Variants in ELMO1 observed in about 807,000 individuals in gnomAD.
The protein encoded by ELMO1 is engulfment and cell motility protein 1.
In ELMO1, 26 loss-of-function variants were observed where a neutral mutation model predicts 98.9. The observed-to-expected ratio is 0.26, with a 90% CI of 0.19 to 0.36. The LOEUF (loss-of-function observed/expected upper bound fraction) is 0.36. Among genes scored for constraint, ELMO1 ranks in the 10% least tolerant of loss-of-function variants. The pLI is 1.00. For synonymous variants in ELMO1, 346 were observed against 346.0 expected, an observed-to-expected ratio of 1.00 and a Z score of 0.00; for missense variants, 627 against 935.2, an observed-to-expected ratio of 0.67 and a Z score of 4.30.
At chr7:36,986,771 C>A (rs1450896549) in intron 16 of ELMO1, among the ~76,000 whole-genome samples, 1 of 152,144 alleles carries the variant, frequency 6.6e-6, no homozygotes, top group Non-Finnish European at 1.5e-5. Flanking sequence ...CATGTACACA[C>A]AAGGCATGCA....
At chr7:37,293,452 A>G (rs143539771) in intron 4 of ELMO1, among the ~76,000 whole-genome samples, 13 of 89,252 alleles carry the variant, frequency 1.5e-4, no homozygotes, top group Non-Finnish European at 2.4e-4. Context: ...CATGTGCTGT[A>G]TCCACTCAGG....
chr7:36,985,931 C>T, intron 16 of ELMO1: 4 of 1,002,964 alleles, frequency 4.0e-6, no homozygotes, highest in Non-Finnish European at 4.8e-6. Flanking sequence ...ACCAAGCTCC[C>T]GTAAGTCCAT....
chr7:37,045,241 CTACTAT>C (rs1584559266), intron 15 of ELMO1, among the ~76,000 whole-genome samples: 1 of 152,168 alleles, frequency 6.6e-6, no homozygotes. Context: ...TGGACTTCAG[CTACTAT>C]TACTATTACT....
intron 14 of ELMO1, among the ~76,000 whole-genome samples, chr7:37,127,055 A>C (rs978361351): frequency 7.2e-5 from 11 of 152,200 alleles, no homozygotes; most frequent in Non-Finnish European, 4.4e-5. Context: ...CTTCTGTCTC[A>C]CTGTAATGCC....
chr7:37,283,505 A>T (rs942924363), intron 4 of ELMO1, among the ~76,000 whole-genome samples: 3 of 152,228 alleles, frequency 2.0e-5, no homozygotes, highest in Admixed American at 2.0e-4. Context: ...ACTGACTCTA[A>T]TCTGTTAAAC....
At chr7:37,384,188 T>C (rs1042840189) in intron 1 of ELMO1, among the ~76,000 whole-genome samples, 1 of 152,192 alleles carries the variant, frequency 6.6e-6, no homozygotes, top group African/African-American at 2.4e-5. Flanking sequence ...GTCTATTGAA[T>C]TCTATTTTAG....
intron 14 of ELMO1, among the ~76,000 whole-genome samples, chr7:37,109,491 G>A (rs570068383): frequency 5.9e-5 from 9 of 152,128 alleles, no homozygotes; most frequent in African/African-American, 2.2e-4. Context: ...CACACCCCAC[G>A]CGCTGCCTCC....
chr7:37,369,105 G>A (rs1802013401), intron 1 of ELMO1, among the ~76,000 whole-genome samples: 1 of 152,114 alleles, frequency 6.6e-6, no homozygotes, highest in South Asian at 2.1e-4. Flanking sequence ...GATTAAGAGA[G>A]CCCAATATTA....
At chr7:36,972,908 G>A (rs1340100428) in intron 16 of ELMO1, among the ~76,000 whole-genome samples, 3 of 152,078 alleles carry the variant, frequency 2.0e-5, no homozygotes, top group African/African-American at 4.8e-5. Flanking sequence ...AGCCTCCTGA[G>A]CAGCTGGGAT....
intron 16 of ELMO1, among the ~76,000 whole-genome samples, chr7:36,930,018 T>G (rs540990530): frequency 6.6e-6 from 1 of 152,336 alleles, no homozygotes; most frequent in Non-Finnish European, 1.5e-5. Flanking sequence ...TGTTGGTCAT[T>G]AGGTAGCACC....
At chr7:37,209,822 C>T (rs950762795) in intron 13 of ELMO1, among the ~76,000 whole-genome samples, 7 of 152,162 alleles carry the variant, frequency 4.6e-5, no homozygotes, top group African/African-American at 1.4e-4. Flanking sequence ...TCACCCGCTC[C>T]ACCAGTCATG....
chr7:36,855,654 AT>A lies in ELMO1; in HGVS notation c.2080del (p.Ile694SerfsTer51). 6.2e-7 allele frequency: 1 copy of A among 1,614,062 alleles called. No homozygotes were observed. The highest frequency in any genetic ancestry group is 8.5e-7 in the Non-Finnish European group (1 of 1,179,990). On this transcript the variant is annotated frameshift_variant, in exon 22 of 22. Coordinates refer to ENST00000310758, the MANE Select transcript of ELMO1 (RefSeq NM_014800.11). LOFTEE classifies it high-confidence loss of function. The surrounding 1 kb of genome is among the most constrained non-coding windows in gnomAD (Gnocchi z 4.2). ...TTCCAGGTCCAGGAGGCGGAGCTTG[AT>A]TTCCATGCTGAGCAGGGTGTCCAGG... ...NDLDTLLSMEIKLRLLDLENI... is the reference protein window; with the variant it reads ...NDLDTLLSMEXKLRLLDLENI...
At chr7:37,120,506 G>A (rs534207668) in intron 14 of ELMO1, among the ~76,000 whole-genome samples, 28 of 152,286 alleles carry the variant, frequency 1.8e-4, no homozygotes, top group Admixed American at 1.0e-3. Context: ...AGGGTCCCAC[G>A]CCCACAGAGC....
chr7:36,933,829 A>C (rs1396722660), intron 16 of ELMO1, among the ~76,000 whole-genome samples: 1 of 152,178 alleles, frequency 6.6e-6, no homozygotes, highest in African/African-American at 2.4e-5. Context: ...TGTGATCTTC[A>C]ATGTTCAAAA....
At chr7:37,382,411 T>C (rs1420506544) in intron 1 of ELMO1, among the ~76,000 whole-genome samples, 1 of 152,202 alleles carries the variant, frequency 6.6e-6, no homozygotes, top group East Asian at 1.9e-4. Context: ...GGGTTCAGAG[T>C]ATGCCATTCA....
At chr7:37,327,818 GC>G (rs1256611689) in intron 2 of ELMO1, among the ~76,000 whole-genome samples, 42 of 152,252 alleles carry the variant, frequency 2.8e-4, no homozygotes, top group East Asian at 2.3e-3. Context: ...AGAACCTACA[GC>G]CCTGAAGAAT....
intron 1 of ELMO1, among the ~76,000 whole-genome samples, chr7:37,426,142 CTT>C (rs36086006): frequency 0.013 from 1,090 of 84,462 alleles, 12 homozygotes; most frequent in African/African-American, 0.051. Flanking sequence ...TTTTTTCTTT[CTT>C]TTTTTTTTTT....
chr7:37,170,192 A>G (rs1304478405), intron 13 of ELMO1, among the ~76,000 whole-genome samples: 2 of 152,174 alleles, frequency 1.3e-5, no homozygotes, highest in Admixed American at 1.3e-4. Flanking sequence ...GGCGTGAGCC[A>G]CCGCGCCTGG....
rs79260174 is a variant in ELMO1, at chr7:37,014,118, T to G, written c.1301-683A>C. Among the ~76,000 whole-genome samples the G allele has an allele frequency of 1.9e-3, 290 of 152,292 alleles. 4 individuals carry two copies. The highest frequency in any genetic ancestry group is 6.6e-3 in the African/African-American group (274 of 41,568). On this transcript the variant is annotated intron_variant, in intron 15 of 21. Coordinates refer to ENST00000310758, the MANE Select transcript of ELMO1 (RefSeq NM_014800.11). ...TGCCTTCAAGCCCCCATTGTAGAGC[T>G]TCCTTGGGTCACACCTAGTGCTCGG...
Sources: gnomAD v4.1 joint callset for allele counts (sites outside exome capture counted in the v4.1 genomes callset) on GRCh38, gnomAD v4.1.1 for gene constraint, Gnocchi (gnomAD v3.1) non-coding constraint, MANE v1.5 for transcripts, NCBI Gene and HGNC (gene_info 2026-07-23, HGNC 2026-07-21) for gene names.